The following BMERB1 variants were observed in gnomAD, a reference collection of about 807,000 sequenced individuals.
BMERB1 encodes bMERB domain containing 1.
In BMERB1, 12 loss-of-function variants were observed where a neutral mutation model predicts 23.6. The observed-to-expected ratio is 0.51, with a 90% confidence interval of 0.33 to 0.82. BMERB1 has a LOEUF of 0.82. Among genes scored for constraint, BMERB1 ranks in the 40% least tolerant of loss-of-function variants. The pLI is 0.03. For synonymous variants in BMERB1, 122 were observed against 96.6 expected (o/e 1.26, Z -1.54); for missense variants, 247 against 255.4 (o/e 0.97, Z 0.22).
intron 2 of BMERB1, among the ~76,000 whole-genome samples, chr16:15,542,631 ATTTTT>A (rs927255507): frequency 1.0e-5 from 1 of 96,864 alleles, no homozygotes; most frequent in Admixed American, 1.1e-4. Context: ...CCTCCTAGGG[ATTTTT>A]TTTTTTTTTT....
chr16:15,534,623 A>G (rs2052008593), intron 2 of BMERB1, among the ~76,000 whole-genome samples: 1 of 152,192 alleles, frequency 6.6e-6, no homozygotes, highest in African/African-American at 2.4e-5. Flanking sequence ...AGAACTAGAA[A>G]TCCACATTTG....
At chr16:15,549,784 C>A (rs995406738) in intron 2 of BMERB1, among the ~76,000 whole-genome samples, 8 of 152,072 alleles carry the variant, frequency 5.3e-5, no homozygotes, top group African/African-American at 1.9e-4. Flanking sequence ...GTAGGGAGTC[C>A]ATGGTTTTTA....
rs571767528 is a variant in BMERB1, at chr16:15,482,882, C to T, written c.107-32423C>T. Among the ~76,000 whole-genome samples the T allele has an allele frequency of 5.9e-5, 9 of 152,184 alleles. No homozygotes were observed. The East Asian group carries it at 1.4e-3, about 23-fold the overall frequency. On this transcript the variant is annotated intron_variant, in intron 1 of 5. Coordinates refer to ENST00000300006, the MANE Select transcript of BMERB1 (RefSeq NM_033201.3). The stretch of plus-strand genomic sequence containing the variant: ...ACATGCGTTGTCTCACTTAGTGTTT[C>T]TGACCATTCAGTGGGGGAGATCTGT...
intron 1 of BMERB1, among the ~76,000 whole-genome samples, chr16:15,456,610 AG>A (rs1378310348): frequency 1.3e-5 from 2 of 151,406 alleles, no homozygotes; most frequent in African/African-American, 2.4e-5. Context: ...AATGCTGGGA[AG>A]ACACTGCATC....
At chr16:15,498,706 AAG>A in intron 1 of BMERB1, among the ~76,000 whole-genome samples, 1 of 152,248 alleles carries the variant, frequency 6.6e-6, no homozygotes, top group South Asian at 2.1e-4. Context: ...AAGGAAGGAA[AAG>A]AGAGAAAGGA....
intron 1 of BMERB1, among the ~76,000 whole-genome samples, chr16:15,463,975 T>C (rs2150928905): frequency 6.6e-6 from 1 of 152,060 alleles, no homozygotes; most frequent in South Asian, 2.1e-4. Flanking sequence ...AGAAGAAATT[T>C]GGGGCAACTC....
intron 2 of BMERB1, among the ~76,000 whole-genome samples, chr16:15,532,191 G>A (rs2051974175): frequency 6.6e-6 from 1 of 152,062 alleles, no homozygotes; most frequent in African/African-American, 2.4e-5. Flanking sequence ...TTCCTGGTTG[G>A]GTTCTGCCAA....
chr16:15,545,468 G>T (rs763283163), intron 2 of BMERB1, among the ~76,000 whole-genome samples: 3 of 152,122 alleles, frequency 2.0e-5, no homozygotes, highest in Non-Finnish European at 4.4e-5. Flanking sequence ...ACACTCTGAC[G>T]CTTCTTTTGG....
At chr16:15,574,701 T>C (rs1416475933) in intron 3 of BMERB1, among the ~76,000 whole-genome samples, 2 of 152,146 alleles carry the variant, frequency 1.3e-5, no homozygotes, top group African/African-American at 4.8e-5. Flanking sequence ...CTGCATACGT[T>C]GAAGCTGGGG....
At chr16:15,535,651 A>G (rs915751841) in intron 2 of BMERB1, among the ~76,000 whole-genome samples, 9 of 150,640 alleles carry the variant, frequency 6.0e-5, no homozygotes, top group Non-Finnish European at 1.3e-4. Flanking sequence ...TCCATCTCAA[A>G]AAAAAAAAAA....
At chr16:15,474,725 A>C (rs146181950) in intron 1 of BMERB1, among the ~76,000 whole-genome samples, 3 of 150,064 alleles carry the variant, frequency 2.0e-5, no homozygotes, top group Admixed American at 1.3e-4. Flanking sequence ...GTCTTGCTCT[A>C]TTGCCCAGGC....
chr16:15,513,462 G>A (rs2051700072), intron 1 of BMERB1, among the ~76,000 whole-genome samples: 1 of 152,102 alleles, frequency 6.6e-6, no homozygotes, highest in African/African-American at 2.4e-5. Context: ...AAATAGTGAG[G>A]TCCTAACTTT....
At chr16:15,572,579 G>C (rs990309831) in intron 3 of BMERB1, among the ~76,000 whole-genome samples, 2 of 152,128 alleles carry the variant, frequency 1.3e-5, no homozygotes, top group Non-Finnish European at 2.9e-5. Flanking sequence ...CAATAAAGCT[G>C]TTACCAAAAA....
intron 2 of BMERB1, among the ~76,000 whole-genome samples, chr16:15,520,782 C>G (rs551313060): frequency 6.6e-6 from 1 of 152,132 alleles, no homozygotes; most frequent in Non-Finnish European, 1.5e-5. Flanking sequence ...CCACTGCACC[C>G]GGCCCATAGA....
At chr16:15,459,122 CAAACA>C in intron 1 of BMERB1, among the ~76,000 whole-genome samples, 1 of 151,906 alleles carries the variant, frequency 6.6e-6, no homozygotes, top group East Asian at 1.9e-4. Context: ...AACAAACAAA[CAAACA>C]AAACACACAC....
Position 15,586,872 on chromosome 16 carries a change from C to CCTCTT in BMERB1, c.*44_*48dup. 1 of 1,292,194 alleles carries CCTCTT rather than the reference C, an allele frequency of 7.7e-7. No homozygotes were observed. Among genetic ancestry groups the CCTCTT allele is most frequent in the African/African-American group, 1.5e-5 (1 of 67,936 alleles). 80.0% of individuals were successfully genotyped at this position (1,292,194 alleles called of 1,614,324 possible). On this transcript the variant is annotated 3_prime_UTR_variant, in exon 6 of 6. Coordinates refer to ENST00000300006, the MANE Select transcript of BMERB1 (RefSeq NM_033201.3). ...CTGGGCCATGGGGACCCCCCCCCAC[C>CCTCTT]CTCTTGTCTTTATAGCCCCCATTTC...
At chr16:15,508,487 C>T (rs571513896) in intron 1 of BMERB1, among the ~76,000 whole-genome samples, 8 of 152,154 alleles carry the variant, frequency 5.3e-5, no homozygotes, top group East Asian at 1.9e-4. Flanking sequence ...CATGGGGCTG[C>T]GCTTGGTCCC....
intron 1 of BMERB1, chr16:15,502,430 G>T: frequency 7.0e-7 from 1 of 1,427,176 alleles, no homozygotes; most frequent in South Asian, 1.2e-5. Context: ...CAGGCTGGGA[G>T]AAATCGAGCA....
intron 1 of BMERB1, among the ~76,000 whole-genome samples, chr16:15,463,918 A>T (rs1246697838): frequency 1.3e-5 from 2 of 152,144 alleles, no homozygotes; most frequent in Non-Finnish European, 2.9e-5. Flanking sequence ...ATTACTGGAA[A>T]GTGGTCCTGA....
Sources: gnomAD v4.1 joint callset for allele counts (sites outside exome capture counted in the v4.1 genomes callset) on GRCh38, gnomAD v4.1.1 for gene constraint, MANE v1.5 for transcripts, NCBI Gene and HGNC (gene_info 2026-07-23, HGNC 2026-07-21) for gene names.